Variants in NSD1 observed in about 807,000 individuals in gnomAD.
NSD1 encodes nuclear receptor binding SET domain protein 1.
In NSD1, 26 loss-of-function variants were observed where a neutral mutation model predicts 242.7. The observed-to-expected ratio is 0.11, with a 90% CI of 0.08 to 0.15. The LOEUF (loss-of-function observed/expected upper bound fraction) is 0.15. NSD1 is among the 10% of genes least tolerant of loss of function. The pLI, the probability that NSD1 is intolerant of heterozygous loss-of-function variation, is 1.00. For missense variants in NSD1, 2,495 were observed against 3,272.8 expected (o/e 0.76, Z 5.80); for synonymous variants, 1,106 against 1,178.1 (o/e 0.94, Z 1.25).
chr5:177,289,973 G>GC (rs1260553152), intron 21 of NSD1, among the ~76,000 whole-genome samples: 1 of 150,848 alleles, frequency 6.6e-6, no homozygotes, highest in African/African-American at 2.4e-5. Flanking sequence ...AACTACAGGC[G>GC]CCCGCCACCA....
intron 17 of NSD1, among the ~76,000 whole-genome samples, chr5:177,279,266 GAGGTCAGGAGATCACA>G (rs1294300695): frequency 6.6e-6 from 1 of 152,190 alleles, no homozygotes. Flanking sequence ...CAGATCACCT[GAGGTCAGGAGATCACA>G]AGGTCAGGAG....
Position 177,185,677 on chromosome 5 carries a change from T to A in NSD1, c.928-6207T>A, listed in dbSNP as rs541701626. On this transcript the variant is annotated intron_variant, in intron 2 of 22. Coordinates refer to ENST00000439151, the MANE Select transcript of NSD1 (RefSeq NM_022455.5). ...ACCAAATATATATTATATATATATA[T>A]AATATATATTTGTTTTTTATTATAA... 1.9e-3 allele frequency among the ~76,000 whole-genome samples: 233 copies of A among 122,304 alleles called. 6 individuals carry two copies. Among genetic ancestry groups the A allele is most frequent in the Non-Finnish European group, 2.1e-3 (128 of 62,302 alleles). The allele number at this position is 122,304 out of a possible 152,430, so 80.2% of individuals were successfully genotyped here. A position where few individuals can be genotyped will look rare whatever the true frequency, so the allele number is the denominator to read the frequency against.
intron 14 of NSD1, chr5:177,265,325 G>A (rs1200775368): frequency 3.2e-6 from 2 of 619,842 alleles, no homozygotes; most frequent in Non-Finnish European, 2.9e-6. Context: ...TATATAAAGT[G>A]CCAACAGAAG....
At position 177,281,116 on chromosome 5, in the gene NSD1, A is replaced by G. The variant is rs529996379; in HGVS notation, c.5892+282A>G. ...TTGTTTGCTTTTTTGTGAATATCCT[A>G]CAGCTGGTAATTAAGAGAGATGACA... On this transcript the variant is annotated intron_variant, in intron 18 of 22. Coordinates refer to ENST00000439151, the MANE Select transcript of NSD1 (RefSeq NM_022455.5). 2.0e-5 allele frequency among the ~76,000 whole-genome samples: 3 copies of G among 152,272 alleles called. No homozygotes were observed. The South Asian group carries it at 6.2e-4, about 32-fold the overall frequency.
At position 177,300,027 on chromosome 5, in the gene NSD1, A is replaced by G; in HGVS notation, c.*4568A>G. Reference sequence around the variant, plus strand: ...TGTTAAGAAAGGGGTCGGGGGGATCAGCCAAGGTCCATCATTGCTTTTTTG... The same window carrying G: ...TGTTAAGAAAGGGGTCGGGGGGATCGGCCAAGGTCCATCATTGCTTTTTTG... On this transcript the variant is annotated 3_prime_UTR_variant, in exon 23 of 23. Coordinates refer to ENST00000439151, the MANE Select transcript of NSD1 (RefSeq NM_022455.5). 4.4e-6 allele frequency: 1 copy of G among 224,846 alleles called. No homozygotes were observed. 13.9% of individuals were successfully genotyped at this position (224,846 alleles called of 1,614,324 possible). A position where few individuals can be genotyped will look rare whatever the true frequency, so the allele number is the denominator to read the frequency against.
At chr5:177,247,885 A>C (rs1378437275) in intron 10 of NSD1, 1 of 979,540 alleles carries the variant, frequency 1.0e-6, no homozygotes, top group African/African-American at 1.8e-5. Context: ...AGGACAAATA[A>C]GTAATCAAAT....
intron 21 of NSD1, 48 bp from the exon 22 acceptor site, chr5:177,291,906 G>A (rs760007203): frequency 1.3e-6 from 2 of 1,543,628 alleles, no homozygotes; most frequent in Non-Finnish European, 1.8e-6. Context: ...GTTAAGATTG[G>A]TACTAATGTG....
chr5:177,138,059 G>A (rs1756484881), intron 2 of NSD1, among the ~76,000 whole-genome samples: 1 of 150,298 alleles, frequency 6.7e-6, no homozygotes, highest in South Asian at 2.1e-4. Context: ...TGGGAAATAA[G>A]AGTGAAACTC....
At chr5:177,152,287 T>C (rs556418301) in intron 2 of NSD1, among the ~76,000 whole-genome samples, 1 of 151,690 alleles carries the variant, frequency 6.6e-6, no homozygotes, top group African/African-American at 2.4e-5. Context: ...ATTACAGGTG[T>C]GAGCCACTGT....
At chr5:177,169,970 T>C (rs1214499779) in intron 2 of NSD1, among the ~76,000 whole-genome samples, 1 of 152,172 alleles carries the variant, frequency 6.6e-6, no homozygotes, top group East Asian at 1.9e-4. Flanking sequence ...TGTATTATTG[T>C]GGTGTATAAT....
At chr5:177,212,233 G>C (rs749470942) in intron 5 of NSD1, 38 bp downstream of exon 5, 5 of 1,586,250 alleles carry the variant, frequency 3.2e-6, no homozygotes, top group Non-Finnish European at 3.4e-6. Flanking sequence ...AAAAAAATTG[G>C]AGAAAGTGCT....
chr5:177,238,344 A>G lies in NSD1; in HGVS notation c.4029A>G (p.Pro1343=), dbSNP rs1186386192. The change falls in exon 7 of 23, where the codon CCA becomes CCG. Residue 1343 remains proline (P), a synonymous_variant. Transcript: ENST00000439151. This position sits in a 1 kb window ranked among gnomAD's most constrained non-coding sequence, Gnocchi z 4.6. The part of the protein sequence containing the change: ...NSLISTKEEP[P]VLEREAPFLE... ...TGATTTCAACCAAAGAAGAGCCTCC[A>G]GTTCTTGAAAGGGAGGCTCCGTTTT... 1 of 1,613,948 alleles carries G rather than the reference A, an allele frequency of 6.2e-7. No individual in the cohort carries two copies. The highest frequency in any genetic ancestry group is 1.3e-5 in the African/African-American group (1 of 74,906).
At chr5:177,267,044 T>C (rs1338247166) in intron 14 of NSD1, among the ~76,000 whole-genome samples, 1 of 152,128 alleles carries the variant, frequency 6.6e-6, no homozygotes, top group African/African-American at 2.4e-5. Flanking sequence ...TTTTAGTAGA[T>C]AGGGGGTTTC....
chr5:177,202,439 C>T (rs970560493), intron 3 of NSD1, among the ~76,000 whole-genome samples: 9 of 151,940 alleles, frequency 5.9e-5, no homozygotes, highest in African/African-American at 2.2e-4. Flanking sequence ...AGTGCAGTGG[C>T]GTGATAATGG....
rs1562196855 is a variant in NSD1, at chr5:177,204,110, C to CCT, written c.1064-9_1064-8dup. On this transcript the variant is annotated splice_polypyrimidine_tract_variant and intron_variant, in intron 3 of 22. Coordinates refer to ENST00000439151, the MANE Select transcript of NSD1 (RefSeq NM_022455.5). ...GATCTAATGATTCTGGTTCTCTTAC[C>CCT]CTTACCTAGTTTCCAACCGGAGGCC... 1 of 1,613,168 alleles carries CCT rather than the reference C, an allele frequency of 6.2e-7. No homozygotes were observed. Among genetic ancestry groups the CCT allele is most frequent in the East Asian group, 2.2e-5 (1 of 44,860 alleles).
In NSD1 at chr5:177,295,406, G is replaced by C. The variant is rs144398734; in HGVS notation, c.8038G>C (p.Ala2680Pro). 1.9e-6 allele frequency: 3 copies of C among 1,614,080 alleles called. No homozygotes were observed. Among genetic ancestry groups the C allele is most frequent in the Non-Finnish European group, 2.5e-6 (3 of 1,180,044 alleles). The change falls in exon 23 of 23, where the codon GCT becomes CCT. Residue 2680 changes from alanine (A) to proline (P), a missense_variant. This residue lies in a region of NSD1 where 475 missense variants were observed against 563.7 expected (regional missense o/e 0.84). Coordinates refer to ENST00000439151, the MANE Select transcript of NSD1 (RefSeq NM_022455.5). This position sits in a 1 kb window ranked among gnomAD's most constrained non-coding sequence, Gnocchi z 4.3. ...DPKPEQNTLP[A>P]LNQAPSSHKC... Reference sequence around the variant, plus strand: ...CAAACCAGAGCAAAATACACTTCCAGCTCTTAACCAGGCTCCTTCCAGTCA... The same window carrying C: ...CAAACCAGAGCAAAATACACTTCCACCTCTTAACCAGGCTCCTTCCAGTCA...
chr5:177,284,989 G>C (rs1759192607), intron 20 of NSD1, among the ~76,000 whole-genome samples: 2 of 152,144 alleles, frequency 1.3e-5, no homozygotes, highest in Admixed American at 6.5e-5. Flanking sequence ...GGATGTCAAA[G>C]AACAGGATCT....
At chr5:177,184,754 T>G (rs904202756) in intron 2 of NSD1, among the ~76,000 whole-genome samples, 3 of 152,158 alleles carry the variant, frequency 2.0e-5, no homozygotes, top group African/African-American at 7.2e-5. Context: ...AAAGTTGATC[T>G]TGAAATCCTG....
At chr5:177,147,615 G>GTTTCA (rs557244396) in intron 2 of NSD1, among the ~76,000 whole-genome samples, 12 of 151,222 alleles carry the variant, frequency 7.9e-5, no homozygotes, top group Non-Finnish European at 1.8e-4. Flanking sequence ...TTGAGACGGA[G>GTTTCA]TTTCACTCTT....
Sources: allele counts gnomAD v4.1 joint callset (sites outside exome capture counted in the v4.1 genomes callset), GRCh38; gene constraint gnomAD v4.1.1; regional missense constraint gnomAD v4.1.1; non-coding constraint Gnocchi (gnomAD v3.1); transcripts MANE v1.5; gene names NCBI Gene and HGNC (gene_info 2026-07-23, HGNC 2026-07-21).